RBFOX1: variants seen among roughly 807,000 people sequenced by gnomAD.
The protein encoded by RBFOX1 is RNA binding fox-1 homolog 1, also known as RNA binding protein fox-1 homolog 1.
Under a neutral mutation model 57.7 loss-of-function variants are expected in RBFOX1, and 8 were observed. The observed-to-expected ratio is 0.14, with a 90% CI of 0.08 to 0.25. RBFOX1 has a LOEUF of 0.25. Among genes scored for constraint, RBFOX1 ranks in the 10% least tolerant of loss-of-function variants. The pLI, the probability that RBFOX1 is intolerant of heterozygous loss-of-function variation, is 1.00. For synonymous variants in RBFOX1, 326 were observed against 222.4 expected (o/e 1.47, Z -4.15); for missense variants, 611 against 548.5 (o/e 1.11, Z -1.14).
intron 3 of RBFOX1, among the ~76,000 whole-genome samples, chr16:6,749,843 C>T (rs2074563726): frequency 6.6e-6 from 1 of 152,082 alleles, no homozygotes; most frequent in East Asian, 1.9e-4. Flanking sequence ...TTTCTGTTTC[C>T]CTTGAAATAA....
At chr16:7,059,255 G>C (rs1205250629) in intron 4 of RBFOX1, among the ~76,000 whole-genome samples, 5 of 152,080 alleles carry the variant, frequency 3.3e-5, no homozygotes, top group Admixed American at 2.0e-4. Flanking sequence ...TGGCTCTTAC[G>C]ATAGCACGGA....
chr16:5,691,368 A>G (rs2050675716), intron 3 of RBFOX1, among the ~76,000 whole-genome samples: 2 of 152,182 alleles, frequency 1.3e-5, no homozygotes, highest in Admixed American at 6.5e-5. Flanking sequence ...GGAGTGCTGC[A>G]TAGAGCCATG....
At chr16:6,686,519 C>G (rs900689629) in intron 3 of RBFOX1, among the ~76,000 whole-genome samples, 1 of 152,134 alleles carries the variant, frequency 6.6e-6, no homozygotes, top group Non-Finnish European at 1.5e-5. Context: ...TGGTGTTCTT[C>G]CATCCATGAA....
intron 2 of RBFOX1, among the ~76,000 whole-genome samples, chr16:6,336,089 T>C (rs2083624521): frequency 2.2e-5 from 3 of 137,526 alleles, no homozygotes. Flanking sequence ...GAACAACAAA[T>C]GGATACTTGC....
At chr16:6,543,836 G>C (rs1435942410) in intron 2 of RBFOX1, among the ~76,000 whole-genome samples, 1 of 152,008 alleles carries the variant, frequency 6.6e-6, no homozygotes. Context: ...CATCTTTCCA[G>C]ATACACCTGC....
At chr16:5,391,013 G>A (rs527737670) in intron 1 of RBFOX1, among the ~76,000 whole-genome samples, 1 of 152,300 alleles carries the variant, frequency 6.6e-6, no homozygotes, top group African/African-American at 2.4e-5. Context: ...TGGCTTGTGA[G>A]AAGCTCAACC....
At chr16:7,428,323 C>CTT (rs201523653) in intron 4 of RBFOX1, among the ~76,000 whole-genome samples, 1,666 of 112,170 alleles carry the variant, frequency 0.015, 37 homozygotes, top group African/African-American at 0.037. Flanking sequence ...GAATTAATAT[C>CTT]TTTTTTTTTT....
intron 2 of RBFOX1, among the ~76,000 whole-genome samples, chr16:6,336,719 G>C (rs2083817203): frequency 1.3e-5 from 2 of 152,150 alleles, no homozygotes; most frequent in East Asian, 1.9e-4. Context: ...TGAGATGATA[G>C]ATGTGGAGAC....
At chr16:6,806,572 A>G (rs896675407) in intron 3 of RBFOX1, among the ~76,000 whole-genome samples, 22 of 151,888 alleles carry the variant, frequency 1.4e-4, no homozygotes, top group African/African-American at 4.6e-4. Flanking sequence ...GATTTTAAAG[A>G]GCCTGAACTA....
chr16:7,641,054 T>G (rs1234329138), intron 11 of RBFOX1, among the ~76,000 whole-genome samples: 1 of 152,114 alleles, frequency 6.6e-6, no homozygotes, highest in East Asian at 1.9e-4. Context: ...GCCCCAGCTT[T>G]ATAAGTTGAG....
At chr16:6,517,052 T>A (rs909446349) in intron 2 of RBFOX1, among the ~76,000 whole-genome samples, 1 of 152,178 alleles carries the variant, frequency 6.6e-6, no homozygotes, top group African/African-American at 2.4e-5. Context: ...TTTTAGCCTC[T>A]CATTCCAAAT....
At chr16:5,745,667 T>G (rs2052952305) in intron 3 of RBFOX1, among the ~76,000 whole-genome samples, 1 of 152,222 alleles carries the variant, frequency 6.6e-6, no homozygotes, top group African/African-American at 2.4e-5. Flanking sequence ...TCATTGTGGT[T>G]TGATTTGCAT....
chr16:7,351,242 C>G (rs966184519), intron 4 of RBFOX1, among the ~76,000 whole-genome samples: 6 of 152,220 alleles, frequency 3.9e-5, no homozygotes, highest in Non-Finnish European at 7.3e-5. Flanking sequence ...GTTCTTTTAC[C>G]TCTCTGAGCC....
At chr16:7,051,510 G>C (rs560287063) in intron 3 of RBFOX1, among the ~76,000 whole-genome samples, 1 of 152,314 alleles carries the variant, frequency 6.6e-6, no homozygotes, top group South Asian at 2.1e-4. Context: ...TGTGATTGAA[G>C]GATTGGCTTC....
intron 4 of RBFOX1, among the ~76,000 whole-genome samples, chr16:7,369,040 A>G (rs552693564): frequency 2.0e-5 from 3 of 152,156 alleles, no homozygotes; most frequent in African/African-American, 7.2e-5. Context: ...TGGTGAAGAG[A>G]TAGCATGGTG....
intron 2 of RBFOX1, among the ~76,000 whole-genome samples, chr16:6,494,864 T>C (rs1325854034): frequency 6.6e-6 from 1 of 152,202 alleles, no homozygotes; most frequent in Non-Finnish European, 1.5e-5. Context: ...ATGCAGAGAA[T>C]AGCCAGCATT....
At chr16:6,449,585 C>T (rs1379798902) in intron 2 of RBFOX1, among the ~76,000 whole-genome samples, 1 of 152,158 alleles carries the variant, frequency 6.6e-6, no homozygotes, top group African/African-American at 2.4e-5. Context: ...GCACACAGAG[C>T]CTTATGATGG....
chr16:5,830,173 C>G (rs992763965), intron 3 of RBFOX1, among the ~76,000 whole-genome samples: 2 of 152,072 alleles, frequency 1.3e-5, no homozygotes, highest in African/African-American at 4.8e-5. Flanking sequence ...TGATATTACC[C>G]AGCTAATCCA....
At chr16:6,834,337 A>T (rs762167567) in intron 3 of RBFOX1, among the ~76,000 whole-genome samples, 2 of 151,888 alleles carry the variant, frequency 1.3e-5, no homozygotes, top group African/African-American at 4.8e-5. Context: ...CGGCCTCCCA[A>T]ATTTGCTGGG....
Sources: allele counts gnomAD v4.1 joint callset (sites outside exome capture counted in the v4.1 genomes callset), GRCh38; gene constraint gnomAD v4.1.1; transcripts MANE v1.5; gene names NCBI Gene and HGNC (gene_info 2026-07-23, HGNC 2026-07-21).